Variants in SVEP1 observed in about 807,000 individuals in gnomAD.
The protein encoded by SVEP1 is sushi, von Willebrand factor type A, EGF and pentraxin domain containing 1.
In SVEP1, 164 loss-of-function variants were observed where a neutral mutation model predicts 367.3. The ratio of observed to expected loss-of-function variants is 0.45; its 90% CI spans 0.39 to 0.51. SVEP1 has a LOEUF of 0.51. Among genes scored for constraint, SVEP1 ranks in the 20% least tolerant of loss-of-function variants. The pLI, the probability that SVEP1 is intolerant of heterozygous loss-of-function variation, is 0.00. For synonymous variants in SVEP1, 1,666 were observed against 1,611.6 expected (o/e 1.03, Z -0.81); for missense variants, 4,117 against 4,425.3 (o/e 0.93, Z 1.98).
chr9:110,450,336 C>A (rs1828673415), intron 23 of SVEP1, 76 bp from the exon 24 acceptor site: 5 of 1,421,692 alleles, frequency 3.5e-6, no homozygotes, highest in Non-Finnish European at 4.9e-6. Context: ...TGTTGACTCC[C>A]TGGAGGATGC....
chr9:110,579,199 C>G lies in SVEP1; in HGVS notation c.345G>C (p.Val115=), dbSNP rs1029267323. ...FVRKLLSDFP[V]VPTATRVAIV... The stretch of plus-strand genomic sequence containing the variant: ...TGGCCACGCGCGTGGCCGTGGGCAC[C>G]ACGGGGAAGTCGGACAGCAGCTTGC... Residue 115 remains valine, a synonymous_variant, in exon 1 of 48, where the codon GTG becomes GTC. Transcript: ENST00000374469. The surrounding 1 kb of genome is among the most constrained non-coding windows in gnomAD (Gnocchi z 5.3). The G allele has an allele frequency of 6.4e-7, 1 of 1,571,218 alleles. No homozygotes were observed. The highest frequency in any genetic ancestry group is 1.4e-5 in the African/African-American group (1 of 73,778).
Position 110,377,271 on chromosome 9 carries a change from G to A in SVEP1, c.10504C>T (p.Pro3502Ser), listed in dbSNP as rs373165052. 2.5e-5 allele frequency: 40 copies of A among 1,613,154 alleles called. No homozygotes were observed. Among genetic ancestry groups the A allele is most frequent in the Middle Eastern group, 3.3e-4 (2 of 6,058 alleles). ...AAGTAAGATCTGAAGAGCAACTCAC[G>A]TTCTTCACAGAGGCGCCCCATCCAG... ...EGWMGRLCEE[P>S]ICILPCLNGG... The change falls in exon 45 of 48, where the codon CCA becomes TCA. Residue 3502 changes from proline (P) to serine (S), a missense_variant and splice_region_variant. Physicochemically the swap from Pro to Ser is moderately conservative, Grantham distance 74 (BLOSUM62 -1). This residue lies in a region of SVEP1 where 1,765 missense variants were observed against 1,781.1 expected (regional missense o/e 0.99). Transcript: ENST00000374469.
chr9:110,475,366 T>C (rs998255354), intron 14 of SVEP1, among the ~76,000 whole-genome samples: 2 of 152,152 alleles, frequency 1.3e-5, no homozygotes, highest in African/African-American at 4.8e-5. Context: ...TGAATACTCT[T>C]ATATACCCAT....
intron 3 of SVEP1, among the ~76,000 whole-genome samples, chr9:110,523,190 T>C (rs920496271): frequency 3.9e-5 from 6 of 152,134 alleles, no homozygotes; most frequent in African/African-American, 1.4e-4. Context: ...TTCCCACCCA[T>C]GCAAGCTACC....
In SVEP1 at chr9:110,430,121, T is replaced by TG; in HGVS notation, c.5531-118_5531-117insC. ...TTGTTTGTTTTCTTTTTTTTTTTTT[T>TG]TGGTGTGTGTGTGTGGGGTCATGTT... On this transcript the variant is annotated intron_variant, in intron 33 of 47. Coordinates refer to ENST00000374469, the MANE Select transcript of SVEP1 (RefSeq NM_153366.4). 4 of 1,159,680 alleles carry TG rather than the reference T, an allele frequency of 3.4e-6. No homozygotes were observed. The East Asian group carries it at 7.8e-5, about 23-fold the overall frequency. The allele number at this position is 1,159,680 out of a possible 1,614,324, so 71.8% of individuals were successfully genotyped here.
At chr9:110,451,620 G>A (rs532061170) in intron 22 of SVEP1, among the ~76,000 whole-genome samples, 1 of 152,290 alleles carries the variant, frequency 6.6e-6, no homozygotes, top group East Asian at 1.9e-4. Flanking sequence ...AATGGAAAAT[G>A]ATAACCACGA....
At chr9:110,399,043 C>T (rs1408554746) in intron 40 of SVEP1, among the ~76,000 whole-genome samples, 1 of 152,150 alleles carries the variant, frequency 6.6e-6, no homozygotes, top group Non-Finnish European at 1.5e-5. Context: ...GACACATGCA[C>T]ATGTATGTTT....
chr9:110,437,015 T>C (rs966705075), intron 27 of SVEP1, among the ~76,000 whole-genome samples: 3 of 152,210 alleles, frequency 2.0e-5, no homozygotes, highest in Non-Finnish European at 2.9e-5. Flanking sequence ...TTTCATCCTA[T>C]TCAACTTGCC....
intron 40 of SVEP1, among the ~76,000 whole-genome samples, chr9:110,395,919 C>A (rs1274418123): frequency 2.0e-5 from 3 of 151,484 alleles, no homozygotes; most frequent in Non-Finnish European, 4.4e-5. Context: ...CTTTAACACC[C>A]CACTGTCAAC....
chr9:110,463,844 CCAG>C (rs1382906711), intron 18 of SVEP1, among the ~76,000 whole-genome samples: 1 of 152,122 alleles, frequency 6.6e-6, no homozygotes, highest in Non-Finnish European at 1.5e-5. Context: ...AAATGTTTAT[CCAG>C]CACCGCAGAA....
intron 2 of SVEP1, 127 bp downstream of exon 2, chr9:110,549,712 CCCAAAGGACA>C: frequency 8.8e-7 from 1 of 1,142,792 alleles, no homozygotes; most frequent in South Asian, 1.6e-5. Context: ...TTTCATGATG[CCCAAAGGACA>C]CATGGGCATC....
rs994038356 is a variant in SVEP1, at chr9:110,404,341, T to C, written c.9652A>G (p.Ile3218Val). The C allele has an allele frequency of 1.2e-6, 2 of 1,613,848 alleles. No individual in the cohort carries two copies. Among genetic ancestry groups the C allele is most frequent in the East Asian group, 2.2e-5 (1 of 44,890 alleles). The change falls in exon 39 of 48, where the codon ATA (isoleucine) becomes GTA (valine). Residue 3218 changes from isoleucine to valine, a missense_variant. Around this residue, in one of 4 missense-constraint regions of SVEP1, gnomAD observed 1,765 missense variants for 1,781.1 expected, o/e 0.99. Transcript: ENST00000374469. ...CAGAATCTTACCTGACATACTGATATGTTAACTCCCTCAAAGGTATACCCT... is the reference window on the plus strand; with the variant it reads ...CAGAATCTTACCTGACATACTGATACGTTAACTCCCTCAAAGGTATACCCT... Reference protein sequence around the residue: ...AEGYTFEGVNISVCQLDGTWE... With the variant: ...AEGYTFEGVNVSVCQLDGTWE...
At chr9:110,439,646 T>C (rs1828483455) in intron 27 of SVEP1, among the ~76,000 whole-genome samples, 1 of 152,038 alleles carries the variant, frequency 6.6e-6, no homozygotes, top group Non-Finnish European at 1.5e-5. Flanking sequence ...GTGATCCACT[T>C]GTCTCAGCGT....
chr9:110,501,152 T>C (rs956123728), intron 6 of SVEP1, among the ~76,000 whole-genome samples: 3 of 148,002 alleles, frequency 2.0e-5, no homozygotes, highest in African/African-American at 7.3e-5. Context: ...TGTAGTAATA[T>C]AATATATACA....
At position 110,407,604 on chromosome 9, in the gene SVEP1, C is replaced by T; in HGVS notation, c.7996G>A (p.Glu2666Lys). ...AVAKTWENTK[E>K]SPATHSSNFL... Reference sequence around the variant, plus strand: ...TTTGATGAATGTGTAGCAGGAGACTCCTTTGTATTTTCCCAGGTTTTAGCC... The same window carrying T: ...TTTGATGAATGTGTAGCAGGAGACTTCTTTGTATTTTCCCAGGTTTTAGCC... Residue 2666 changes from glutamate (E) to lysine (K), a missense_variant, in exon 38 of 48, where the codon GAG becomes AAG. Glu to Lys is a moderately conservative substitution (Grantham distance 56). This residue lies in a region of SVEP1 where 1,765 missense variants were observed against 1,781.1 expected (regional missense o/e 0.99). Coordinates refer to ENST00000374469, the MANE Select transcript of SVEP1 (RefSeq NM_153366.4). 1 of 1,613,954 alleles carries T rather than the reference C, an allele frequency of 6.2e-7. No individual in the cohort carries two copies. The highest frequency in any genetic ancestry group is 8.5e-7 in the Non-Finnish European group (1 of 1,179,854).
Position 110,407,588 on chromosome 9 carries a change from T to C in SVEP1, c.8012A>G (p.His2671Arg), listed in dbSNP as rs754874377. 2.6e-5 allele frequency: 42 copies of C among 1,613,848 alleles called. No individual in the cohort carries two copies. Among genetic ancestry groups the C allele is most frequent in the Non-Finnish European group, 3.4e-5 (40 of 1,179,872 alleles). ...WENTKESPAT[H>R]SSNFLYGTMV... is the part of the protein sequence containing the mutation. The stretch of plus-strand genomic sequence containing the variant: ...GGTACCATACAGAAAGTTTGATGAA[T>C]GTGTAGCAGGAGACTCCTTTGTATT... Residue 2671 changes from histidine (H) to arginine (R), a missense_variant, in exon 38 of 48, where the codon CAT becomes CGT. Around this residue, in one of 4 missense-constraint regions of SVEP1, gnomAD observed 1,765 missense variants for 1,781.1 expected, o/e 0.99. Transcript: ENST00000374469.
intron 47 of SVEP1, among the ~76,000 whole-genome samples, chr9:110,368,861 T>A (rs1245804597): frequency 1.3e-5 from 2 of 152,174 alleles, no homozygotes; most frequent in East Asian, 3.8e-4. Flanking sequence ...GTGAGGAAAT[T>A]CACTGGCATT....
chr9:110,462,671 C>T (rs1224097862), intron 18 of SVEP1, among the ~76,000 whole-genome samples: 2 of 150,802 alleles, frequency 1.3e-5, no homozygotes, highest in Non-Finnish European at 3.0e-5. Context: ...GTCTCCCGGT[C>T]AAGAAAAATG....
intron 40 of SVEP1, among the ~76,000 whole-genome samples, chr9:110,390,304 T>C (rs1391758521): frequency 1.1e-5 from 1 of 94,080 alleles, no homozygotes; most frequent in African/African-American, 3.6e-5. Flanking sequence ...TATATACTTA[T>C]ATAAGTATGT....
Sources: allele counts gnomAD v4.1 joint callset (sites outside exome capture counted in the v4.1 genomes callset), GRCh38; gene constraint gnomAD v4.1.1; regional missense constraint gnomAD v4.1.1; non-coding constraint Gnocchi (gnomAD v3.1); transcripts MANE v1.5; gene names NCBI Gene and HGNC (gene_info 2026-07-23, HGNC 2026-07-21).